The following CNOT6L variants were observed in gnomAD, a reference collection of about 807,000 sequenced individuals.
CNOT6L encodes CCR4-NOT transcription complex subunit 6 like.
Under a neutral mutation model 64.0 loss-of-function variants are expected in CNOT6L, and 7 were observed. That is an observed-to-expected ratio of 0.11 (90% CI 0.06 to 0.21). The LOEUF (loss-of-function observed/expected upper bound fraction) is 0.21. CNOT6L is among the 10% of genes least tolerant of loss of function. CNOT6L has a pLI of 1.00. For missense variants in CNOT6L, 245 were observed against 669.0 expected, an observed-to-expected ratio of 0.37 and a Z score of 6.99; for synonymous variants, 193 against 243.4, an observed-to-expected ratio of 0.79 and a Z score of 1.93.
At position 77,715,698 on chromosome 4, in the gene CNOT6L, TTTTC is replaced by T. The variant is rs1192241182; in HGVS notation, c.*4729_*4732del. 3.9e-5 allele frequency: 6 copies of T among 152,534 alleles called. No homozygotes were observed. The highest frequency in any genetic ancestry group is 2.1e-4 in the South Asian group (1 of 4,828). 9.4% of individuals were successfully genotyped at this position (152,534 alleles called of 1,614,324 possible). A position where few individuals can be genotyped will look rare whatever the true frequency, so the allele number is the denominator to read the frequency against. ...CACCTTCCTGGAAAGAACTGCTTTT[TTTTC>T]TTTCTTTCTGTGAATCTTGTTCAAG... On this transcript the variant is annotated 3_prime_UTR_variant, in exon 12 of 12. Coordinates refer to ENST00000504123, the MANE Select transcript of CNOT6L (RefSeq NM_144571.3).
Position 77,718,874 on chromosome 4 carries a change from C to T in CNOT6L, c.*1557G>A, listed in dbSNP as rs1280260459. On this transcript the variant is annotated 3_prime_UTR_variant, in exon 12 of 12. Transcript: ENST00000504123. Reference sequence around the variant, plus strand: ...AACTAATTAAATAATTTAAATTTGACCTATACTTTATATATTAGTGAGACA... The same window carrying T: ...AACTAATTAAATAATTTAAATTTGATCTATACTTTATATATTAGTGAGACA... 2.6e-5 allele frequency: 4 copies of T among 152,338 alleles called. No individual in the cohort carries two copies. The highest frequency in any genetic ancestry group is 9.7e-5 in the African/African-American group (4 of 41,346). The allele number at this position is 152,338 out of a possible 1,614,324, so 9.4% of individuals were successfully genotyped here.
At chr4:77,766,740 G>GAA (rs111326264) in intron 4 of CNOT6L, among the ~76,000 whole-genome samples, 3 of 136,956 alleles carry the variant, frequency 2.2e-5, no homozygotes, top group African/African-American at 8.0e-5. Context: ...CAAGAAAAGA[G>GAA]AAAAAAAAAA....
At chr4:77,804,282 A>T (rs1731963597) in intron 1 of CNOT6L, among the ~76,000 whole-genome samples, 1 of 151,848 alleles carries the variant, frequency 6.6e-6, no homozygotes, top group Non-Finnish European at 1.5e-5. Flanking sequence ...ACAAAAAATG[A>T]GCCAGGCGTG....
At chr4:77,802,761 T>G (rs559933362) in intron 1 of CNOT6L, among the ~76,000 whole-genome samples, 31 of 152,304 alleles carry the variant, frequency 2.0e-4, no homozygotes, top group African/African-American at 7.5e-4. Context: ...GAAGGTGAGA[T>G]ACAGAGAAGT....
chr4:77,784,368 T>G (rs1024454996), intron 1 of CNOT6L, among the ~76,000 whole-genome samples: 1 of 152,170 alleles, frequency 6.6e-6, no homozygotes, highest in Non-Finnish European at 1.5e-5. Context: ...TCATTATCAA[T>G]ATGGACAACT....
At chr4:77,731,788 A>C (rs985529088) in intron 8 of CNOT6L, 3 of 331,744 alleles carry the variant, frequency 9.0e-6, no homozygotes, top group African/African-American at 6.4e-5. Flanking sequence ...TAGTGCTCGG[A>C]GAAATAATAA....
chr4:77,800,078 T>C (rs1372874331), intron 1 of CNOT6L, among the ~76,000 whole-genome samples: 1 of 151,278 alleles, frequency 6.6e-6, no homozygotes, highest in Non-Finnish European at 1.5e-5. Flanking sequence ...AAAAAAAAAC[T>C]AATTCAAGAA....
intron 4 of CNOT6L, among the ~76,000 whole-genome samples, chr4:77,760,743 CTG>C (rs1726111445): frequency 6.7e-6 from 1 of 150,268 alleles, no homozygotes; most frequent in African/African-American, 2.5e-5. Flanking sequence ...TTTTTTCAGA[CTG>C]GAGTGCAGTG....
chr4:77,728,627 C>T lies in CNOT6L; in HGVS notation c.1252+227G>A, dbSNP rs151126877. ...GGTAAAGAGATCTATTACTAAATCC[C>T]CTAGTGGCAGAGTACTGCATCATTT... On this transcript the variant is annotated intron_variant, in intron 10 of 11. Coordinates refer to ENST00000504123, the MANE Select transcript of CNOT6L (RefSeq NM_144571.3). Among the ~76,000 whole-genome samples, 145 of 152,274 alleles carry T rather than the reference C, an allele frequency of 9.5e-4. 1 individual carries two copies. The East Asian group carries it at 0.021, about 22-fold the overall frequency.
intron 1 of CNOT6L, among the ~76,000 whole-genome samples, chr4:77,803,878 G>A (rs1731906028): frequency 6.6e-6 from 1 of 151,842 alleles, no homozygotes; most frequent in African/African-American, 2.4e-5. Flanking sequence ...ACTCCAGCCT[G>A]TCAACAAGAG....
At chr4:77,761,310 A>G (rs1315827038) in intron 4 of CNOT6L, among the ~76,000 whole-genome samples, 2 of 152,188 alleles carry the variant, frequency 1.3e-5, no homozygotes, top group Non-Finnish European at 2.9e-5. Flanking sequence ...AAATGACTGC[A>G]GGAGAAAGCT....
chr4:77,738,459 A>G (rs1234506882), intron 8 of CNOT6L, among the ~76,000 whole-genome samples: 1 of 152,178 alleles, frequency 6.6e-6, no homozygotes, highest in Non-Finnish European at 1.5e-5. Context: ...ATGAGTCTAA[A>G]GCATGTATCT....
chr4:77,750,231 T>C (rs1321041598), intron 5 of CNOT6L, among the ~76,000 whole-genome samples: 1 of 152,210 alleles, frequency 6.6e-6, no homozygotes, highest in Non-Finnish European at 1.5e-5. Context: ...AACTCACAAG[T>C]ATGATTACCT....
At chr4:77,811,386 C>T (rs1732918146) in intron 1 of CNOT6L, among the ~76,000 whole-genome samples, 1 of 151,972 alleles carries the variant, frequency 6.6e-6, no homozygotes, top group African/African-American at 2.4e-5. Flanking sequence ...ACTAAAAGTA[C>T]AAAATCCCGT....
intron 4 of CNOT6L, 145 bp from the exon 5 acceptor site, chr4:77,757,096 A>C (rs540897237): frequency 2.2e-6 from 1 of 448,280 alleles, no homozygotes; most frequent in African/African-American, 2.0e-5. Flanking sequence ...TATACATTTA[A>C]AAATGTATGT....
intron 1 of CNOT6L, among the ~76,000 whole-genome samples, chr4:77,795,319 A>G (rs866777591): frequency 6.6e-6 from 1 of 152,108 alleles, no homozygotes; most frequent in African/African-American, 2.4e-5. Flanking sequence ...GCACCCGGCC[A>G]GTAAAATTTT....
At chr4:77,744,293 A>G (rs1014081607) in intron 7 of CNOT6L, among the ~76,000 whole-genome samples, 73 of 152,246 alleles carry the variant, frequency 4.8e-4, no homozygotes, top group African/African-American at 1.7e-3. Flanking sequence ...TGCATGATTT[A>G]TAGTACAATA....
chr4:77,790,583 T>C (rs1230249071), intron 1 of CNOT6L, among the ~76,000 whole-genome samples: 2 of 152,332 alleles, frequency 1.3e-5, no homozygotes, highest in South Asian at 2.1e-4. Context: ...GTTGTCAGTG[T>C]TTTGGATCTG....
intron 4 of CNOT6L, among the ~76,000 whole-genome samples, chr4:77,760,124 G>A (rs941817448): frequency 6.6e-6 from 1 of 152,134 alleles, no homozygotes; most frequent in Non-Finnish European, 1.5e-5. Flanking sequence ...TGTAATCCCA[G>A]TGCTTTGGGA....
Sources: gnomAD v4.1 joint callset for allele counts (sites outside exome capture counted in the v4.1 genomes callset) on GRCh38, gnomAD v4.1.1 for gene constraint, MANE v1.5 for transcripts, NCBI Gene and HGNC (gene_info 2026-07-23, HGNC 2026-07-21) for gene names.